The following GPC6 variants were observed in gnomAD, a reference collection of about 807,000 sequenced individuals.
The protein encoded by GPC6 is glypican-6.
In GPC6, 14 loss-of-function variants were observed where a neutral mutation model predicts 55.2. The ratio of observed to expected loss-of-function variants is 0.25; its 90% CI spans 0.17 to 0.40. The LOEUF is 0.40. Ranked by LOEUF, GPC6 falls within the 10% of genes least tolerant of loss-of-function variation. The pLI, the probability that GPC6 is intolerant of heterozygous loss-of-function variation, is 1.00. For missense variants in GPC6, 641 were observed against 708.5 expected (o/e 0.90, Z 1.08); for synonymous variants, 278 against 259.6 (o/e 1.07, Z -0.68).
intron 6 of GPC6, among the ~76,000 whole-genome samples, chr13:94,340,149 C>A: frequency 6.6e-6 from 1 of 151,982 alleles, no homozygotes; most frequent in African/African-American, 2.4e-5. Flanking sequence ...TTATAGGTAT[C>A]AAAAAGGTAA....
intron 4 of GPC6, among the ~76,000 whole-genome samples, chr13:94,087,763 G>A (rs1032637659): frequency 1.3e-5 from 2 of 152,204 alleles, no homozygotes; most frequent in African/African-American, 4.8e-5. Flanking sequence ...CACAGTTCTA[G>A]ATTTAATTAT....
chr13:94,298,744 A>G (rs1268205774), intron 5 of GPC6, among the ~76,000 whole-genome samples: 1 of 152,258 alleles, frequency 6.6e-6, no homozygotes, highest in East Asian at 1.9e-4. Context: ...AATTTAGCCC[A>G]GTAAATGTAG....
chr13:94,219,151 A>G (rs916801605), intron 4 of GPC6, among the ~76,000 whole-genome samples: 7 of 152,180 alleles, frequency 4.6e-5, no homozygotes, highest in Admixed American at 3.3e-4. Flanking sequence ...CATGCCCTTT[A>G]AAAGAGTCGA....
intron 4 of GPC6, among the ~76,000 whole-genome samples, chr13:94,161,938 G>A (rs1251191396): frequency 6.6e-6 from 1 of 152,062 alleles, no homozygotes; most frequent in Non-Finnish European, 1.5e-5. Flanking sequence ...AGAGAAGAAT[G>A]GGAGCCAAGC....
chr13:94,315,586 T>C (rs1334026004), intron 6 of GPC6, among the ~76,000 whole-genome samples: 2 of 152,158 alleles, frequency 1.3e-5, no homozygotes, highest in Non-Finnish European at 2.9e-5. Context: ...CAGGGACATA[T>C]GTTCCTATGT....
At chr13:93,446,062 T>C (rs1253680742) in intron 1 of GPC6, among the ~76,000 whole-genome samples, 1 of 152,216 alleles carries the variant, frequency 6.6e-6, no homozygotes, top group East Asian at 1.9e-4. Flanking sequence ...ATAGGAATGA[T>C]TGAAAGAAAT....
chr13:93,632,525 C>A (rs1171701901), intron 2 of GPC6, among the ~76,000 whole-genome samples: 6 of 104,886 alleles, frequency 5.7e-5, no homozygotes, highest in Non-Finnish European at 1.4e-4. Context: ...GGGAGGATCA[C>A]CTGAGCCTGG....
intron 3 of GPC6, among the ~76,000 whole-genome samples, chr13:93,870,213 A>G (rs948896969): frequency 6.6e-6 from 1 of 151,850 alleles, no homozygotes; most frequent in Admixed American, 6.6e-5. Flanking sequence ...CCTTATTGTT[A>G]CATTGTTGTA....
chr13:93,244,045 C>T (rs1050237185), intron 1 of GPC6, among the ~76,000 whole-genome samples: 1 of 152,060 alleles, frequency 6.6e-6, no homozygotes, highest in Non-Finnish European at 1.5e-5. Flanking sequence ...GTCAGGCAGT[C>T]CCGTGCTTTG....
rs369025777 is a variant in GPC6, at chr13:93,914,293, G to A, written c.711+83748G>A. Among the ~76,000 whole-genome samples the A allele has an allele frequency of 1.5e-3, 232 of 151,672 alleles. 5 individuals are homozygous for A. The South Asian group carries it at 0.044, about 29-fold the overall frequency. ...CATGTGTTCTCATTGTTCAATTGCC[G>A]CCTATAAGTGAGAACATGCGGTGTT... On this transcript the variant is annotated intron_variant, in intron 3 of 8. Transcript: ENST00000377047.
chr13:93,740,853 A>G (rs920644005), intron 2 of GPC6, among the ~76,000 whole-genome samples: 1 of 152,198 alleles, frequency 6.6e-6, no homozygotes, highest in Non-Finnish European at 1.5e-5. Context: ...TTTTGAGGCA[A>G]AGCTTCAAAA....
intron 2 of GPC6, among the ~76,000 whole-genome samples, chr13:93,731,797 G>A (rs4561306): frequency 0.29 from 43,305 of 151,826 alleles, 6,936 homozygotes; most frequent in Middle Eastern, 0.45. Flanking sequence ...CCATATTAAG[G>A]CATTTTTATT....
chr13:94,270,633 T>C (rs1891961618), intron 4 of GPC6, among the ~76,000 whole-genome samples: 1 of 152,234 alleles, frequency 6.6e-6, no homozygotes, highest in African/African-American at 2.4e-5. Context: ...GACAAACACA[T>C]ACAAAGAAAA....
chr13:93,960,159 T>C (rs4528446), intron 3 of GPC6, among the ~76,000 whole-genome samples: 25,460 of 152,192 alleles, frequency 0.17, 2,227 homozygotes, highest in East Asian at 0.27. Context: ...GATGGTGGGC[T>C]TTCTCCTCTT....
At chr13:93,565,441 T>C (rs1876050060) in intron 2 of GPC6, among the ~76,000 whole-genome samples, 2 of 152,226 alleles carry the variant, frequency 1.3e-5, no homozygotes, top group Admixed American at 6.5e-5. Flanking sequence ...GATTAACAAA[T>C]TTAAACTTCT....
chr13:93,573,683 G>A (rs1876520139), intron 2 of GPC6, among the ~76,000 whole-genome samples: 1 of 152,128 alleles, frequency 6.6e-6, no homozygotes, highest in African/African-American at 2.4e-5. Flanking sequence ...AAATTTTAGA[G>A]CCAGATGCCT....
chr13:93,350,914 CAA>C (rs1156667127), intron 1 of GPC6, among the ~76,000 whole-genome samples: 1 of 151,982 alleles, frequency 6.6e-6, no homozygotes, highest in Non-Finnish European at 1.5e-5. Context: ...CAGATGATGA[CAA>C]AGAGTCACAC....
chr13:93,675,910 T>C (rs1881567600), intron 2 of GPC6, among the ~76,000 whole-genome samples: 1 of 151,782 alleles, frequency 6.6e-6, no homozygotes, highest in Admixed American at 6.6e-5. Flanking sequence ...CTACTTTTTA[T>C]TACTATACAA....
chr13:93,906,356 A>G (rs1265736017), intron 3 of GPC6, among the ~76,000 whole-genome samples: 1 of 152,098 alleles, frequency 6.6e-6, no homozygotes, highest in African/African-American at 2.4e-5. Flanking sequence ...GGAACCCCAA[A>G]AGGTTCACTG....
Sources: gnomAD v4.1 joint callset for allele counts (sites outside exome capture counted in the v4.1 genomes callset) on GRCh38, gnomAD v4.1.1 for gene constraint, MANE v1.5 for transcripts, NCBI Gene and HGNC (gene_info 2026-07-23, HGNC 2026-07-21) for gene names.